The following PLXNA4 variants were observed in gnomAD, a reference collection of about 807,000 sequenced individuals.
The protein encoded by PLXNA4 is plexin A4.
Under a neutral mutation model 191.8 loss-of-function variants are expected in PLXNA4, and 44 were observed. That is an observed-to-expected ratio of 0.23 (90% confidence interval 0.18 to 0.29). PLXNA4 has a LOEUF of 0.29. PLXNA4 is among the 10% of genes least tolerant of loss of function. PLXNA4 has a pLI of 1.00. For synonymous variants in PLXNA4, 1,082 were observed against 1,009.5 expected (o/e 1.07, Z -1.36); for missense variants, 1,800 against 2,488.8 (o/e 0.72, Z 5.89).
rs540760168 is a variant in PLXNA4 at position 132,475,318 on chromosome 7, C to G, written c.1371+13974G>C. ...GATTTCCCATTTTCAAGCTGCCCCC[C>G]AGCTCCAAGCATCTTAGAGCTCTTT... On this transcript the variant is annotated intron_variant, in intron 3 of 31. Transcript: ENST00000321063. Among the ~76,000 whole-genome samples the G allele has an allele frequency of 4.6e-5, 7 of 152,294 alleles. No homozygotes were observed. In the East Asian group the frequency reaches 1.3e-3, roughly 29 times the overall value.
chr7:132,185,130 A>G (rs1269450384), intron 16 of PLXNA4, among the ~76,000 whole-genome samples, 169 bp downstream of exon 16: 1 of 152,066 alleles, frequency 6.6e-6, no homozygotes, highest in Non-Finnish European at 1.5e-5. Flanking sequence ...CTCTCAGTGG[A>G]AGGAGGGAGC....
intron 2 of PLXNA4, among the ~76,000 whole-genome samples, chr7:132,497,706 C>T (rs140244625): frequency 1.3e-3 from 201 of 152,260 alleles, no homozygotes; most frequent in African/African-American, 4.2e-3. Flanking sequence ...ACAGGACCCA[C>T]GCTGGCCCTA....
intron 3 of PLXNA4, among the ~76,000 whole-genome samples, chr7:132,401,269 G>A (rs1197337803): frequency 6.6e-6 from 1 of 152,172 alleles, no homozygotes; most frequent in Non-Finnish European, 1.5e-5. Flanking sequence ...GAACCCCTCT[G>A]TACAATTTAT....
intron 30 of PLXNA4, among the ~76,000 whole-genome samples, chr7:132,133,993 C>T (rs1248636615): frequency 6.6e-6 from 1 of 152,164 alleles, no homozygotes; most frequent in African/African-American, 2.4e-5. Context: ...CCAGCTCAGC[C>T]TAGCCCAATC....
chr7:132,130,585 G>T lies in PLXNA4; in HGVS notation c.5590-11C>A, dbSNP rs778086631. On this transcript the variant is annotated splice_polypyrimidine_tract_variant and intron_variant, in intron 31 of 31. Coordinates refer to ENST00000321063, the MANE Select transcript of PLXNA4 (RefSeq NM_020911.2). ...CAGAGGTCCAAGGATCTGCGGAAGG[G>T]CCAAGAACAGGGAGATTACTCATTT... 5.6e-6 allele frequency: 9 copies of T among 1,614,054 alleles called. No individual in the cohort carries two copies. The South Asian group carries it at 9.9e-5, about 18-fold the overall frequency.
intron 3 of PLXNA4, among the ~76,000 whole-genome samples, chr7:132,362,123 C>A (rs1410313732): frequency 6.6e-6 from 1 of 152,158 alleles, no homozygotes; most frequent in African/African-American, 2.4e-5. Context: ...TCCCCTGGGC[C>A]CACTTAAGTC....
rs774869024 is a variant in PLXNA4, at chr7:132,130,077, G to A, written c.*402C>T. 28 of 206,940 alleles carry A rather than the reference G, an allele frequency of 1.4e-4. No individual in the cohort carries two copies. Among genetic ancestry groups the A allele is most frequent in the Admixed American group, 1.3e-3 (25 of 19,656 alleles). The allele number at this position is 206,940 out of a possible 1,614,324, so 12.8% of individuals were successfully genotyped here. On this transcript the variant is annotated 3_prime_UTR_variant, in exon 32 of 32. Coordinates refer to ENST00000321063, the MANE Select transcript of PLXNA4 (RefSeq NM_020911.2). ...GGCCAAGGCTCAGACCAAAGCAGGG[G>A]CTGCCAAAGTGGAAGGTGAAGTAGC...
intron 3 of PLXNA4, among the ~76,000 whole-genome samples, chr7:132,393,485 G>A (rs751188439): frequency 4.5e-4 from 68 of 152,112 alleles, no homozygotes; most frequent in Non-Finnish European, 8.7e-4. Context: ...TGATTATCAT[G>A]GGAGCACCCT....
intron 2 of PLXNA4, among the ~76,000 whole-genome samples, chr7:132,613,746 A>G (rs1348718796): frequency 6.6e-6 from 1 of 152,232 alleles, no homozygotes; most frequent in South Asian, 2.1e-4. Context: ...ATAAAAAAAT[A>G]AACAAAACAC....
At chr7:132,221,279 A>G (rs1798136265) in intron 9 of PLXNA4, among the ~76,000 whole-genome samples, 1 of 152,228 alleles carries the variant, frequency 6.6e-6, no homozygotes, top group Admixed American at 6.5e-5. Context: ...TTGCAAGGTA[A>G]TTAAATGATT....
At chr7:132,218,565 C>T (rs997936412) in intron 9 of PLXNA4, among the ~76,000 whole-genome samples, 2 of 152,318 alleles carry the variant, frequency 1.3e-5, no homozygotes, top group East Asian at 3.9e-4. Context: ...TTTGCTTTTG[C>T]AAGGAAGTTC....
At chr7:132,321,221 G>A (rs985126395) in intron 3 of PLXNA4, among the ~76,000 whole-genome samples, 1 of 152,140 alleles carries the variant, frequency 6.6e-6, no homozygotes, top group Non-Finnish European at 1.5e-5. Context: ...GCTTGGCAGG[G>A]GTTGGTTAAG....
chr7:132,412,778 A>G (rs1794511444), intron 3 of PLXNA4, among the ~76,000 whole-genome samples: 1 of 152,196 alleles, frequency 6.6e-6, no homozygotes, highest in African/African-American at 2.4e-5. Flanking sequence ...TGTAGGTGTT[A>G]TTCCAGAGAG....
intron 3 of PLXNA4, among the ~76,000 whole-genome samples, chr7:132,362,243 G>A (rs142031950): frequency 6.6e-6 from 1 of 152,316 alleles, no homozygotes; most frequent in African/African-American, 2.4e-5. Flanking sequence ...TTGCTGTAGA[G>A]CCACCTGCAG....
chr7:132,218,191 CT>C (rs1798030140), intron 9 of PLXNA4, among the ~76,000 whole-genome samples: 1 of 152,144 alleles, frequency 6.6e-6, no homozygotes, highest in South Asian at 2.1e-4. Context: ...GGACTTGATC[CT>C]TTTGATAACG....
At chr7:132,271,682 A>G (rs17166303) in intron 4 of PLXNA4, among the ~76,000 whole-genome samples, 5,902 of 152,226 alleles carry the variant, frequency 0.039, 389 homozygotes, top group African/African-American at 0.13. Context: ...TGATGGATGT[A>G]ACTATCAAGC....
intron 3 of PLXNA4, among the ~76,000 whole-genome samples, chr7:132,369,662 A>G (rs549060412): frequency 6.6e-6 from 1 of 152,200 alleles, no homozygotes; most frequent in East Asian, 1.9e-4. Context: ...CCCTGAAACC[A>G]TCACTATGAA....
intron 4 of PLXNA4, among the ~76,000 whole-genome samples, chr7:132,293,356 A>G (rs1271186071): frequency 6.6e-6 from 1 of 152,206 alleles, no homozygotes; most frequent in Non-Finnish European, 1.5e-5. Context: ...CACATCTTAC[A>G]TGGCGGCAGG....
At chr7:132,647,633 A>G (rs995288436) in intron 1 of PLXNA4, among the ~76,000 whole-genome samples, 1 of 151,896 alleles carries the variant, frequency 6.6e-6, no homozygotes, top group Non-Finnish European at 1.5e-5. Flanking sequence ...ACATGCTATC[A>G]TACACACATA....
Sources: allele counts gnomAD v4.1 joint callset (sites outside exome capture counted in the v4.1 genomes callset), GRCh38; gene constraint gnomAD v4.1.1; transcripts MANE v1.5; gene names NCBI Gene and HGNC (gene_info 2026-07-23, HGNC 2026-07-21).